SLC35D4: variants seen among roughly 807,000 people sequenced by gnomAD.
SLC35D4 encodes the protein UDP-N-acetylglucosamine transporter SLC35D4.
At chr18:23,398,806 A>T in the SLC35D4 span, among the ~76,000 whole-genome samples, 4 of 152,160 alleles carry the variant, frequency 2.6e-5, no homozygotes, top group Non-Finnish European at 5.9e-5. Flanking sequence ...AAAAGACTAA[A>T]ATGTTTTGCA....
chr18:23,292,717 CTGAG>C, the SLC35D4 span, among the ~76,000 whole-genome samples: 1 of 152,218 alleles, frequency 6.6e-6, no homozygotes, highest in Non-Finnish European at 1.5e-5. Flanking sequence ...GGAAAAGTTA[CTGAG>C]TCTTTCTGAT....
the SLC35D4 span, among the ~76,000 whole-genome samples, chr18:23,427,493 G>A: frequency 5.9e-5 from 9 of 152,038 alleles, no homozygotes; most frequent in African/African-American, 2.2e-4. Context: ...CAGTTAGAAT[G>A]GCGATCATTA....
chr18:23,375,395 T>C, the SLC35D4 span, among the ~76,000 whole-genome samples: 1 of 152,156 alleles, frequency 6.6e-6, no homozygotes, highest in Non-Finnish European at 1.5e-5. Flanking sequence ...CATTATCATA[T>C]ATTTATGTGA....
At chr18:23,393,718 A>G in the SLC35D4 span, among the ~76,000 whole-genome samples, 1 of 152,146 alleles carries the variant, frequency 6.6e-6, no homozygotes, top group Non-Finnish European at 1.5e-5. Context: ...CCTGGGTTCA[A>G]GCAATTCTCC....
chr18:23,248,284 G>A, the SLC35D4 span, among the ~76,000 whole-genome samples: 22 of 152,292 alleles, frequency 1.4e-4, no homozygotes, highest in African/African-American at 4.8e-4. Context: ...CGCCTTCACC[G>A]AGCCAGGTTC....
chr18:23,354,379 G>C, the SLC35D4 span, among the ~76,000 whole-genome samples: 1 of 149,022 alleles, frequency 6.7e-6, no homozygotes, highest in Non-Finnish European at 1.5e-5. Flanking sequence ...AAATTAGCCT[G>C]ATGTGGTGGC....
the SLC35D4 span, among the ~76,000 whole-genome samples, chr18:23,311,217 G>A: frequency 6.6e-6 from 1 of 151,624 alleles, no homozygotes; most frequent in Non-Finnish European, 1.5e-5. Flanking sequence ...CTCCTCCCGA[G>A]TAGCTGGGCC....
the SLC35D4 span, among the ~76,000 whole-genome samples, chr18:23,361,955 T>C: frequency 6.6e-6 from 1 of 152,228 alleles, no homozygotes; most frequent in African/African-American, 2.4e-5. Flanking sequence ...CATAGAGTTG[T>C]GCAACCATCA....
the SLC35D4 span, among the ~76,000 whole-genome samples, chr18:23,312,882 C>T: frequency 2.6e-5 from 4 of 152,042 alleles, no homozygotes; most frequent in Non-Finnish European, 4.4e-5. Context: ...AATCCCAGCA[C>T]TTTGGGAGGC....
the SLC35D4 span, among the ~76,000 whole-genome samples, chr18:23,270,599 G>A: frequency 6.6e-6 from 1 of 152,232 alleles, no homozygotes; most frequent in African/African-American, 2.4e-5. Flanking sequence ...AAGCAGCCAG[G>A]AGGGGAACTA....
the SLC35D4 span, among the ~76,000 whole-genome samples, chr18:23,347,760 G>A: frequency 6.6e-6 from 1 of 152,034 alleles, no homozygotes; most frequent in Non-Finnish European, 1.5e-5. Context: ...TCTAGCCAGA[G>A]GTTTGTCAAT....
At chr18:23,381,483 G>A in the SLC35D4 span, among the ~76,000 whole-genome samples, 1 of 152,058 alleles carries the variant, frequency 6.6e-6, no homozygotes, top group South Asian at 2.1e-4. Flanking sequence ...TTGATTACAG[G>A]CATGAGCAAC....
the SLC35D4 span, among the ~76,000 whole-genome samples, chr18:23,326,567 C>A: frequency 6.6e-6 from 1 of 152,096 alleles, no homozygotes; most frequent in Admixed American, 6.5e-5. Flanking sequence ...CCTTAGAGAC[C>A]TACAAAGAGA....
At chr18:23,433,625 T>C in the SLC35D4 span, among the ~76,000 whole-genome samples, 2 of 152,276 alleles carry the variant, frequency 1.3e-5, no homozygotes, top group Non-Finnish European at 2.9e-5. Context: ...TTCTCCTCCC[T>C]CCCTACCTAG....
chr18:23,272,652 T>C, the SLC35D4 span, among the ~76,000 whole-genome samples: 1 of 151,958 alleles, frequency 6.6e-6, no homozygotes, highest in Non-Finnish European at 1.5e-5. Flanking sequence ...AAACCTTTTA[T>C]CCTCGCACTC....
the SLC35D4 span, among the ~76,000 whole-genome samples, chr18:23,268,179 A>G: frequency 6.6e-6 from 1 of 152,200 alleles, no homozygotes; most frequent in Admixed American, 6.5e-5. Flanking sequence ...TAAAGTCAAG[A>G]CACAGAGAGG....
the SLC35D4 span, chr18:23,370,127 T>G: frequency 1.7e-6 from 2 of 1,167,998 alleles, no homozygotes; most frequent in Non-Finnish European, 2.4e-6. Context: ...TGCGGTGAGC[T>G]GAGACCGCGC....
the SLC35D4 span, among the ~76,000 whole-genome samples, chr18:23,284,900 G>C: frequency 2.0e-5 from 3 of 152,226 alleles, no homozygotes; most frequent in African/African-American, 4.8e-5. Context: ...AATGCTGTGA[G>C]AGTTAAGAGG....
the SLC35D4 span, chr18:23,399,784 G>A: frequency 2.7e-6 from 2 of 750,444 alleles, no homozygotes; most frequent in Admixed American, 2.2e-5. Context: ...CTTGTTAAGT[G>A]AGATGTAGTC....
Sources: allele counts gnomAD v4.1 joint callset (sites outside exome capture counted in the v4.1 genomes callset), GRCh38; gene constraint gnomAD v4.1.1; transcripts MANE v1.5; gene names NCBI Gene and HGNC (gene_info 2026-07-23, HGNC 2026-07-21).